ST3GAL1: variants seen among roughly 807,000 people sequenced by gnomAD.
The protein encoded by ST3GAL1 is CMP-N-acetylneuraminate-beta-galactosamide-alpha-2,3-sialyltransferase 1.
A neutral mutation model predicts 34.1 loss-of-function variants in ST3GAL1; 16 were observed. The observed-to-expected ratio is 0.47, with a 90% confidence interval of 0.32 to 0.71. ST3GAL1 has a LOEUF of 0.71. Ranked by LOEUF, ST3GAL1 falls within the 30% of genes least tolerant of loss-of-function variation. The pLI is 0.04. For missense variants in ST3GAL1, 353 were observed against 447.4 expected (o/e 0.79, Z 1.90); for synonymous variants, 191 against 184.7 (o/e 1.03, Z -0.28).
chr8:133,554,728 T>A (rs902034371), intron 1 of ST3GAL1, among the ~76,000 whole-genome samples: 5 of 143,750 alleles, frequency 3.5e-5, no homozygotes, highest in Non-Finnish European at 7.5e-5. Flanking sequence ...TTTATTTCTT[T>A]TCTTTTTTTT....
chr8:133,481,240 C>A (rs567698556), intron 3 of ST3GAL1, among the ~76,000 whole-genome samples: 1 of 152,340 alleles, frequency 6.6e-6, no homozygotes, highest in South Asian at 2.1e-4. Context: ...TGAGCAGGTA[C>A]AGAAGTGGCA....
At chr8:133,506,561 G>A (rs1817344368) in intron 2 of ST3GAL1, among the ~76,000 whole-genome samples, 1 of 152,188 alleles carries the variant, frequency 6.6e-6, no homozygotes, top group Non-Finnish European at 1.5e-5. Context: ...GAGGTGGGCA[G>A]ATCACCAGAG....
chr8:133,540,392 T>C (rs1818430666), intron 2 of ST3GAL1, among the ~76,000 whole-genome samples: 1 of 152,114 alleles, frequency 6.6e-6, no homozygotes, highest in Non-Finnish European at 1.5e-5. Context: ...ATAACACATT[T>C]TTGTTGTTGG....
At chr8:133,463,914 C>T (rs932213696) in intron 7 of ST3GAL1, among the ~76,000 whole-genome samples, 1 of 152,204 alleles carries the variant, frequency 6.6e-6, no homozygotes, top group African/African-American at 2.4e-5. Flanking sequence ...GATTCCTGCT[C>T]CCAGAGAGAC....
chr8:133,486,212 G>A (rs1001112944), intron 3 of ST3GAL1, among the ~76,000 whole-genome samples: 9 of 152,174 alleles, frequency 5.9e-5, no homozygotes, highest in Non-Finnish European at 1.3e-4. Flanking sequence ...TGAAGTGGAT[G>A]GTGCCAGGCT....
intron 1 of ST3GAL1, among the ~76,000 whole-genome samples, chr8:133,553,808 G>C (rs902688556): frequency 2.1e-4 from 32 of 152,274 alleles, no homozygotes; most frequent in Middle Eastern, 3.4e-3. Flanking sequence ...TCTATCTTAG[G>C]ACTAAATTAG....
chr8:133,535,447 G>T (rs1188182846), intron 2 of ST3GAL1, among the ~76,000 whole-genome samples: 1 of 151,896 alleles, frequency 6.6e-6, no homozygotes, highest in Non-Finnish European at 1.5e-5. Context: ...ACCTTGTGTT[G>T]GGCAAGTCTA....
Position 133,570,029 on chromosome 8 carries a change from C to T in ST3GAL1, c.-582+1664G>A, listed in dbSNP as rs935114089. ...CCTGCCAGCACCTTCCACCTTGGGG[C>T]CTTGTCAATGAACACTGCGTTAGCA... is the stretch of plus-strand genomic sequence containing the variant. On this transcript the variant is annotated intron_variant, in intron 1 of 9. Coordinates refer to ENST00000522652, the MANE Select transcript of ST3GAL1 (RefSeq NM_173344.3). This position sits in a 1 kb window ranked among gnomAD's most constrained non-coding sequence, Gnocchi z 5.6. 1 of 152,432 alleles carries T rather than the reference C, an allele frequency of 6.6e-6. No individual in the cohort carries two copies. The highest frequency in any genetic ancestry group is 1.5e-5 in the Non-Finnish European group (1 of 68,106). 9.4% of individuals were successfully genotyped at this position (152,432 alleles called of 1,614,324 possible).
At chr8:133,463,571 GC>G (rs1563693986) in intron 7 of ST3GAL1, 112 bp from the exon 8 acceptor site, 5 of 1,172,080 alleles carry the variant, frequency 4.3e-6, no homozygotes, top group South Asian at 2.6e-5. Context: ...AGCCTCTCCT[GC>G]CCCCCATAGC....
At chr8:133,564,440 A>G (rs117262716) in intron 1 of ST3GAL1, among the ~76,000 whole-genome samples, 3,494 of 152,052 alleles carry the variant, frequency 0.023, 67 homozygotes, top group South Asian at 0.051. Flanking sequence ...CAATTCTAGA[A>G]TCACAATAAA....
Position 133,541,147 on chromosome 8 carries a change from A to AGAGG in ST3GAL1, c.-429+4626_-429+4627insCCTC, listed in dbSNP as rs1818516011. Reference sequence around the variant, plus strand: ...GAGAGAGAGAGAGAGAGAGAGAGAGAGAGAGACTGTGTGTCTCTCCCTCTT... The same window carrying AGAGG: ...GAGAGAGAGAGAGAGAGAGAGAGAGAGAGGGAGAGACTGTGTGTCTCTCCCTCTT... On this transcript the variant is annotated intron_variant, in intron 2 of 9. Coordinates refer to ENST00000522652, the MANE Select transcript of ST3GAL1 (RefSeq NM_173344.3). Among the ~76,000 whole-genome samples the AGAGG allele has an allele frequency of 9.6e-4, 120 of 125,444 alleles. 5 individuals are homozygous for AGAGG. The highest frequency in any genetic ancestry group is 8.9e-3 in the Middle Eastern group (2 of 224). The allele number at this position is 125,444 out of a possible 152,430, so 82.3% of individuals were successfully genotyped here.
intron 2 of ST3GAL1, among the ~76,000 whole-genome samples, chr8:133,536,474 TGGC>T: frequency 6.6e-6 from 1 of 152,230 alleles, no homozygotes; most frequent in South Asian, 2.1e-4. Flanking sequence ...ATCCTTCTGA[TGGC>T]CCCTCTCTTC....
At position 133,540,952 on chromosome 8, in the gene ST3GAL1, T is replaced by TGC. The variant is rs1431407289; in HGVS notation, c.-429+4821_-429+4822insGC. On this transcript the variant is annotated intron_variant, in intron 2 of 9. Coordinates refer to ENST00000522652, the MANE Select transcript of ST3GAL1 (RefSeq NM_173344.3). ...ATATAGACATATATAGACATATATA[T>TGC]AGACATATATATAGACATATATATG... 2.5e-5 allele frequency among the ~76,000 whole-genome samples: 3 copies of TGC among 122,000 alleles called. 1 individual carries two copies. Among genetic ancestry groups the TGC allele is most frequent in the Non-Finnish European group, 5.0e-5 (3 of 59,686 alleles). 80.0% of individuals were successfully genotyped at this position (122,000 alleles called of 152,430 possible).
chr8:133,523,909 G>A (rs10093821), intron 2 of ST3GAL1, among the ~76,000 whole-genome samples: 11,070 of 152,242 alleles, frequency 0.073, 757 homozygotes, highest in African/African-American at 0.17. Context: ...AATCATAAGA[G>A]CTTTGTGTCC....
intron 2 of ST3GAL1, among the ~76,000 whole-genome samples, chr8:133,519,049 T>G (rs1276735304): frequency 6.6e-6 from 1 of 151,642 alleles, no homozygotes; most frequent in African/African-American, 2.4e-5. Context: ...TTCTGAAGGG[T>G]AAGCAGAAGA....
chr8:133,506,490 C>T (rs1817341526), intron 2 of ST3GAL1, among the ~76,000 whole-genome samples: 1 of 152,154 alleles, frequency 6.6e-6, no homozygotes, highest in African/African-American at 2.4e-5. Flanking sequence ...TTGGAAGAAA[C>T]TTGGCAAACT....
intron 2 of ST3GAL1, among the ~76,000 whole-genome samples, chr8:133,544,869 A>G (rs1052219691): frequency 6.6e-6 from 1 of 151,994 alleles, no homozygotes; most frequent in Non-Finnish European, 1.5e-5. Flanking sequence ...ATAATCATAT[A>G]AAAAACAGCT....
intron 1 of ST3GAL1, among the ~76,000 whole-genome samples, chr8:133,560,727 G>A (rs1360949173): frequency 2.0e-5 from 3 of 152,204 alleles, no homozygotes; most frequent in Admixed American, 1.3e-4. Context: ...GATGACTTGG[G>A]AATTACGTTG....
intron 2 of ST3GAL1, among the ~76,000 whole-genome samples, chr8:133,499,958 G>T (rs1817094702): frequency 6.6e-6 from 1 of 152,162 alleles, no homozygotes; most frequent in African/African-American, 2.4e-5. Context: ...CTTCTAACTG[G>T]CAGGAAACAG....
Sources: allele counts gnomAD v4.1 joint callset (sites outside exome capture counted in the v4.1 genomes callset), GRCh38; gene constraint gnomAD v4.1.1; non-coding constraint Gnocchi (gnomAD v3.1); transcripts MANE v1.5; gene names NCBI Gene and HGNC (gene_info 2026-07-23, HGNC 2026-07-21).